The following SMURF1 variants were observed in gnomAD, a reference collection of about 807,000 sequenced individuals.
SMURF1 encodes the protein E3 ubiquitin-protein ligase SMURF1.
SMURF1 carries 44 observed loss-of-function variants against 98.0 expected under a neutral mutation model. The observed-to-expected ratio is 0.45, with a 90% CI of 0.35 to 0.58. The LOEUF is 0.58. Ranked by LOEUF, SMURF1 falls within the 20% of genes least tolerant of loss-of-function variation. SMURF1 has a pLI of 0.00. For missense variants in SMURF1, 687 were observed against 938.4 expected (o/e 0.73, Z 3.50); for synonymous variants, 396 against 374.9 (o/e 1.06, Z -0.65).
intron 1 of SMURF1, among the ~76,000 whole-genome samples, chr7:99,086,031 A>G (rs895782249): frequency 7.9e-5 from 12 of 152,212 alleles, no homozygotes; most frequent in Admixed American, 5.9e-4. Context: ...AGGCAGATGC[A>G]AATCAAGACT....
intron 12 of SMURF1, 28 bp from the exon 13 acceptor site, chr7:99,040,584 T>A: frequency 7.2e-7 from 1 of 1,397,280 alleles, no homozygotes; most frequent in Non-Finnish European, 9.4e-7. Context: ...GAACACGAAT[T>A]TGTCAGCATG....
At chr7:99,065,872 C>G (rs1796177564) in intron 1 of SMURF1, among the ~76,000 whole-genome samples, 1 of 152,086 alleles carries the variant, frequency 6.6e-6, no homozygotes, top group Non-Finnish European at 1.5e-5. Context: ...ATGGTGAAAC[C>G]CCGTCTCTAC....
At chr7:99,060,561 T>C in intron 3 of SMURF1, 38 bp downstream of exon 3, 1 of 1,471,808 alleles carries the variant, frequency 6.8e-7, no homozygotes, top group Non-Finnish European at 9.5e-7. Flanking sequence ...CCTGCTTTCC[T>C]GCCGCTCCGC....
chr7:99,143,674 C>A, intron 1 of SMURF1, 52 bp downstream of exon 1: 1 of 1,418,022 alleles, frequency 7.1e-7, no homozygotes, highest in Non-Finnish European at 9.3e-7. Context: ...CGGGGAATTC[C>A]GGGGCGGGCG....
intron 2 of SMURF1, 123 bp from the exon 3 acceptor site, chr7:99,060,830 T>C (rs1342081687): frequency 1.7e-6 from 1 of 597,810 alleles, no homozygotes; most frequent in African/African-American, 1.9e-5. Context: ...TTATGTCTAT[T>C]GAGCTTTCTA....
In SMURF1 at chr7:99,042,267, G is replaced by A. The variant is rs766282941; in HGVS notation, c.1257-35C>T. 8.9e-6 allele frequency: 13 copies of A among 1,461,288 alleles called. No individual in the cohort carries two copies. In the East Asian group the frequency reaches 1.6e-4, roughly 18 times the overall value. 90.5% of individuals were successfully genotyped at this position (1,461,288 alleles called of 1,614,324 possible). On this transcript the variant is annotated intron_variant, in intron 11 of 17. Transcript: ENST00000361368. ...AACAACAAAAATGCATTTGAGACGC[G>A]CTAAAATTTCTACATTTTTTTTTTT...
At chr7:99,045,428 A>G (rs1795542669) in intron 11 of SMURF1, 1 of 455,966 alleles carries the variant, frequency 2.2e-6, no homozygotes, top group African/African-American at 2.0e-5. Context: ...TGAATTTAAA[A>G]GTTTAATTCT....
chr7:99,070,225 C>G (rs1019046912), intron 1 of SMURF1, among the ~76,000 whole-genome samples: 7 of 152,196 alleles, frequency 4.6e-5, no homozygotes, highest in African/African-American at 1.7e-4. Context: ...AACTGAGCCC[C>G]AAGGACGAGG....
chr7:99,100,362 C>G (rs1372827988), intron 1 of SMURF1, among the ~76,000 whole-genome samples: 2 of 152,210 alleles, frequency 1.3e-5, no homozygotes, highest in African/African-American at 4.8e-5. Context: ...AGAGGCCAGC[C>G]TGGCCAACAT....
chr7:99,114,680 T>C (rs1413534272), intron 1 of SMURF1, among the ~76,000 whole-genome samples: 1 of 152,086 alleles, frequency 6.6e-6, no homozygotes, highest in East Asian at 1.9e-4. Context: ...TACAGGACAG[T>C]TTACCCAACA....
intron 2 of SMURF1, 63 bp downstream of exon 2, chr7:99,061,736 G>C (rs1796038752): frequency 7.4e-7 from 1 of 1,348,668 alleles, no homozygotes; most frequent in Non-Finnish European, 1.0e-6. Flanking sequence ...TTTTTTTAAA[G>C]TTTAAAATTT....
chr7:99,049,010 G>C, intron 9 of SMURF1: 1 of 151,946 alleles, frequency 6.6e-6, no homozygotes, highest in Non-Finnish European at 1.5e-5. Flanking sequence ...AGAATCACTT[G>C]AACCCAGGAG....
At chr7:99,143,586 G>C in intron 1 of SMURF1, 140 bp downstream of exon 1, 1 of 635,158 alleles carries the variant, frequency 1.6e-6, no homozygotes, top group Non-Finnish European at 2.4e-6. Flanking sequence ...GGAGAAGCGA[G>C]GGGCGCACGC....
chr7:99,050,026 A>T, intron 8 of SMURF1: 1 of 214,566 alleles, frequency 4.7e-6, no homozygotes, highest in Non-Finnish European at 9.1e-6. Flanking sequence ...GGCCAACATG[A>T]TGAAACCCTG....
chr7:99,123,637 G>A (rs566595452), intron 1 of SMURF1, among the ~76,000 whole-genome samples: 5 of 152,288 alleles, frequency 3.3e-5, no homozygotes, highest in Non-Finnish European at 7.4e-5. Context: ...TTACTCATCT[G>A]TATCATAATA....
chr7:99,051,208 A>C (rs1795746171), intron 8 of SMURF1, 149 bp downstream of exon 8: 6 of 813,966 alleles, frequency 7.4e-6, no homozygotes, highest in South Asian at 6.4e-5. Context: ...CCCCCACCCC[A>C]GCTTATCTGA....
rs1031637913 is a variant in SMURF1 at position 99,050,949 on chromosome 7, C to T, written c.806+408G>A. ...GATGTATGGCCTTGTAGAAGGAATT[C>T]GTATAGAAAAGCTGCATCTCCCCCA... On this transcript the variant is annotated intron_variant, in intron 8 of 17. Transcript: ENST00000361368. 5.2e-6 allele frequency: 8 copies of T among 1,550,666 alleles called. No individual in the cohort carries two copies. The highest frequency in any genetic ancestry group is 4.9e-5 in the East Asian group (2 of 40,900).
intron 1 of SMURF1, among the ~76,000 whole-genome samples, chr7:99,129,851 G>C (rs1287848862): frequency 6.6e-6 from 1 of 152,154 alleles, no homozygotes; most frequent in Non-Finnish European, 1.5e-5. Context: ...ACACAGGTTC[G>C]AACTTCAGCG....
At chr7:99,134,539 A>G (rs1797943645) in intron 1 of SMURF1, among the ~76,000 whole-genome samples, 1 of 152,214 alleles carries the variant, frequency 6.6e-6, no homozygotes, top group African/African-American at 2.4e-5. Context: ...AAAAGCAAAT[A>G]TATCACATTG....
Sources: allele counts gnomAD v4.1 joint callset (sites outside exome capture counted in the v4.1 genomes callset), GRCh38; gene constraint gnomAD v4.1.1; transcripts MANE v1.5; gene names NCBI Gene and HGNC (gene_info 2026-07-23, HGNC 2026-07-21).